The following IQCM variants were observed in gnomAD, a reference collection of about 807,000 sequenced individuals.
The protein encoded by IQCM is IQ domain-containing protein M.
Under a neutral mutation model 57.6 loss-of-function variants are expected in IQCM, and 45 were observed. That is an observed-to-expected ratio of 0.78 (90% CI 0.62 to 1.00). IQCM has a LOEUF of 1.00. IQCM is among the 50% of genes least tolerant of loss of function. The probability of loss-of-function intolerance (pLI) is 0.00; values close to 1 mark genes in which losing one functional copy is unlikely to be tolerated. For missense variants in IQCM, 468 were observed against 511.6 expected (o/e 0.91, Z 0.82); for synonymous variants, 148 against 158.9 (o/e 0.93, Z 0.51).
Position 149,413,442 on chromosome 4 carries a change from G to A in IQCM, c.1390+19954C>T, listed in dbSNP as rs532366005. 2.6e-5 allele frequency among the ~76,000 whole-genome samples: 4 copies of A among 152,260 alleles called. No homozygotes were observed. In the South Asian group the frequency reaches 6.2e-4, roughly 24 times the overall value. ...GGCTGACGCTGAGATAGGGTGGGCA[G>A]GGGAGTGCAAATGCCAGGATGCCAT... On this transcript the variant is annotated intron_variant, in intron 13 of 13. Transcript: ENST00000636793.
intron 3 of IQCM, among the ~76,000 whole-genome samples, chr4:149,738,797 C>T (rs1428109991): frequency 6.6e-6 from 1 of 152,154 alleles, no homozygotes; most frequent in Non-Finnish European, 1.5e-5. Context: ...GGTAGCTGTT[C>T]TGATTTTCTA....
intron 5 of IQCM, among the ~76,000 whole-genome samples, chr4:149,728,210 T>C (rs1014729631): frequency 3.3e-5 from 5 of 152,202 alleles, no homozygotes; most frequent in African/African-American, 1.2e-4. Flanking sequence ...TCATTGAAAA[T>C]GGTTTTGCAA....
At chr4:149,442,953 CAGAGAGAGAGAG>C (rs56890715) in intron 12 of IQCM, among the ~76,000 whole-genome samples, 5,071 of 97,942 alleles carry the variant, frequency 0.052, 101 homozygotes, top group East Asian at 0.086. Context: ...CACACACACA[CAGAGAGAGAGAG>C]AGAGAGAGAG....
chr4:149,769,064 T>A (rs1770319642), intron 2 of IQCM, among the ~76,000 whole-genome samples: 1 of 152,122 alleles, frequency 6.6e-6, no homozygotes, highest in South Asian at 2.1e-4. Context: ...TCACTGTTTT[T>A]GTATTTAACA....
At chr4:149,739,852 C>A (rs1255911748) in intron 3 of IQCM, among the ~76,000 whole-genome samples, 1 of 152,058 alleles carries the variant, frequency 6.6e-6, no homozygotes, top group Non-Finnish European at 1.5e-5. Context: ...CCTCATTTTT[C>A]ATATATCATC....
At chr4:149,353,305 T>A (rs978072530) in intron 13 of IQCM, among the ~76,000 whole-genome samples, 1 of 152,150 alleles carries the variant, frequency 6.6e-6, no homozygotes, top group Non-Finnish European at 1.5e-5. Context: ...AGAGTGCGGA[T>A]AAAAGGAAAC....
intron 5 of IQCM, among the ~76,000 whole-genome samples, chr4:149,727,092 T>A (rs1411490722): frequency 6.6e-6 from 1 of 152,198 alleles, no homozygotes; most frequent in African/African-American, 2.4e-5. Context: ...TTCTTTTTAC[T>A]GTTTAAAGTG....
chr4:149,623,042 C>T (rs1267598763), intron 7 of IQCM, among the ~76,000 whole-genome samples: 1 of 152,110 alleles, frequency 6.6e-6, no homozygotes, highest in Non-Finnish European at 1.5e-5. Flanking sequence ...ATTCCCAACA[C>T]AAAGAAATGA....
chr4:149,468,940 C>G (rs879710833), intron 12 of IQCM, among the ~76,000 whole-genome samples: 2 of 152,168 alleles, frequency 1.3e-5, no homozygotes, highest in African/African-American at 2.4e-5. Flanking sequence ...AACTAACAAA[C>G]AGAAAGGACA....
rs1260079999 is a variant in IQCM, at chr4:149,797,509, G to A, written c.-49+17802C>T. 5.3e-5 allele frequency among the ~76,000 whole-genome samples: 8 copies of A among 151,926 alleles called. No homozygotes were observed. The East Asian group carries it at 5.8e-4, about 11-fold the overall frequency. Reference sequence around the variant, plus strand: ...AGATAGGGGTGGAAAGCTTATTCAAGGGGATAATAAGAGAATAATAGGATA... The same window carrying A: ...AGATAGGGGTGGAAAGCTTATTCAAAGGGATAATAAGAGAATAATAGGATA... On this transcript the variant is annotated intron_variant, in intron 2 of 13. Coordinates refer to ENST00000636793, the MANE Select transcript of IQCM (RefSeq NM_001363507.2).
At chr4:149,564,036 A>T (rs1750380956) in intron 9 of IQCM, 146 bp from the exon 10 acceptor site, 1 of 437,632 alleles carries the variant, frequency 2.3e-6, no homozygotes, top group Non-Finnish European at 3.8e-6. Flanking sequence ...TATCACCAGG[A>T]CATGTCAATA....
intron 2 of IQCM, among the ~76,000 whole-genome samples, chr4:149,744,946 G>A (rs573082158): frequency 6.6e-6 from 1 of 152,164 alleles, no homozygotes; most frequent in East Asian, 1.9e-4. Flanking sequence ...ATATAAATCC[G>A]TGAGTACTAT....
intron 13 of IQCM, among the ~76,000 whole-genome samples, chr4:149,354,382 A>AAAAAAAAAAAAAC (rs764445072): frequency 1.5e-5 from 2 of 136,486 alleles, no homozygotes; most frequent in African/African-American, 2.6e-5. Context: ...AAAAAAAAAA[A>AAAAAAAAAAAAAC]AAAAAAACTG....
chr4:149,558,887 A>C (rs1434733979), intron 10 of IQCM, among the ~76,000 whole-genome samples: 1 of 152,174 alleles, frequency 6.6e-6, no homozygotes, highest in South Asian at 2.1e-4. Flanking sequence ...CTTCCCAGAC[A>C]TCTCAAGGAT....
intron 12 of IQCM, among the ~76,000 whole-genome samples, chr4:149,449,057 TA>T (rs1473674913): frequency 1.3e-5 from 2 of 151,442 alleles, no homozygotes; most frequent in Non-Finnish European, 2.9e-5. Context: ...AACATAGATT[TA>T]AAAATTCTTA....
At chr4:149,689,925 G>A (rs183050409) in intron 5 of IQCM, among the ~76,000 whole-genome samples, 3 of 152,078 alleles carry the variant, frequency 2.0e-5, no homozygotes, top group Non-Finnish European at 4.4e-5. Flanking sequence ...ATGTTGGCAT[G>A]GATGCAGTGA....
intron 13 of IQCM, among the ~76,000 whole-genome samples, chr4:149,353,335 G>A (rs1300669330): frequency 6.6e-6 from 1 of 152,112 alleles, no homozygotes; most frequent in Non-Finnish European, 1.5e-5. Context: ...CTATTGGTGG[G>A]AATTTAGATT....
At chr4:149,560,883 G>A (rs1008701832) in intron 10 of IQCM, among the ~76,000 whole-genome samples, 22 of 152,142 alleles carry the variant, frequency 1.4e-4, no homozygotes, top group Non-Finnish European at 2.4e-4. Flanking sequence ...CCACAGTTCT[G>A]ACAATTATCC....
chr4:149,729,724 C>T (rs1766288473), intron 5 of IQCM, among the ~76,000 whole-genome samples: 1 of 151,342 alleles, frequency 6.6e-6, no homozygotes, highest in South Asian at 2.1e-4. Context: ...TCTAAAATCT[C>T]CTTTGCATCT....
Sources: gnomAD v4.1 joint callset for allele counts (sites outside exome capture counted in the v4.1 genomes callset) on GRCh38, gnomAD v4.1.1 for gene constraint, MANE v1.5 for transcripts, NCBI Gene and HGNC (gene_info 2026-07-23, HGNC 2026-07-21) for gene names.